Variants in CNGA3 observed in about 807,000 individuals in gnomAD.
CNGA3 encodes cyclic nucleotide gated channel subunit alpha 3.
Under a neutral mutation model 46.6 loss-of-function variants are expected in CNGA3, and 42 were observed. That is an observed-to-expected ratio of 0.90 (90% confidence interval 0.70 to 1.17). The LOEUF (loss-of-function observed/expected upper bound fraction) is 1.17, where lower values mean the gene tolerates loss of function less well. CNGA3 is among the 50% of genes most tolerant of loss of function. CNGA3 has a pLI of 0.00. For synonymous variants in CNGA3, 394 were observed against 369.4 expected (o/e 1.07, Z -0.76); for missense variants, 893 against 890.7 (o/e 1.00, Z -0.03).
rs750806023 is a variant in CNGA3 at position 98,391,971 on chromosome 2, G to A, written c.673+1G>A. The A allele has an allele frequency of 1.9e-6, 3 of 1,613,476 alleles. No homozygotes were observed. Among genetic ancestry groups the A allele is most frequent in the Non-Finnish European group, 2.5e-6 (3 of 1,179,758 alleles). On this transcript the variant is annotated splice_donor_variant, in intron 7 of 7. Transcript: ENST00000272602. LOFTEE classifies it high-confidence loss of function. ...GATGTGCTTGTACGAGCTCGGACAG[G>A]TGAGTGTGCCCCAGGCCTGGGGAGG... is the stretch of plus-strand genomic sequence containing the variant.
chr2:98,379,929 T>C, intron 3 of CNGA3: 1 of 580,126 alleles, frequency 1.7e-6, no homozygotes, highest in Non-Finnish European at 3.1e-6. Context: ...AGTGTCCCTT[T>C]CCGGGGAAGC....
chr2:98,355,030 AT>A (rs1039411941), intron 1 of CNGA3, among the ~76,000 whole-genome samples: 1 of 152,114 alleles, frequency 6.6e-6, no homozygotes, highest in African/African-American at 2.4e-5. Context: ...AGCATGTTGG[AT>A]TTTTGCCAAA....
intron 3 of CNGA3, chr2:98,378,183 T>TG: frequency 6.4e-7 from 1 of 1,550,586 alleles, no homozygotes; most frequent in South Asian, 1.2e-5. Context: ...GAAATGGCTC[T>TG]GGCAGGGTCT....
At chr2:98,377,349 A>G in intron 2 of CNGA3, 1 of 270,450 alleles carries the variant, frequency 3.7e-6, no homozygotes, top group Non-Finnish European at 7.2e-6. Flanking sequence ...GAGTCATTTT[A>G]TGGAAGCAGC....
At position 98,358,802 on chromosome 2, in the gene CNGA3, T is replaced by C. The variant is rs141585372; in HGVS notation, c.-37-11137T>C. ...AAACTTACATTTCCCTTTAGTGATG[T>C]ACATTTTGCCCTGTCCTACTCCAAC... On this transcript the variant is annotated intron_variant, in intron 1 of 7. Transcript: ENST00000272602. Among the ~76,000 whole-genome samples the C allele has an allele frequency of 2.7e-3, 413 of 152,342 alleles. 2 individuals carry two copies. Among genetic ancestry groups the C allele is most frequent in the African/African-American group, 9.2e-3 (381 of 41,568 alleles).
chr2:98,360,225 T>C (rs1035784287), intron 1 of CNGA3, among the ~76,000 whole-genome samples: 1 of 152,104 alleles, frequency 6.6e-6, no homozygotes, highest in Non-Finnish European at 1.5e-5. Context: ...GAGGATTAAG[T>C]AAGGAAGTGT....
intron 5 of CNGA3, 50 bp from the exon 6 acceptor site, chr2:98,389,608 G>T: frequency 1.3e-6 from 2 of 1,531,312 alleles, no homozygotes; most frequent in Non-Finnish European, 1.8e-6. Flanking sequence ...ACCCTCCAAA[G>T]CTACAGTCTT....
intron 2 of CNGA3, among the ~76,000 whole-genome samples, chr2:98,370,517 G>A (rs1458502872): frequency 2.0e-5 from 3 of 152,216 alleles, no homozygotes; most frequent in African/African-American, 4.8e-5. Flanking sequence ...TCGCTTCCAG[G>A]GGAAGATCTG....
rs571392861 is a variant in CNGA3 at position 98,362,095 on chromosome 2, C to T, written c.-37-7844C>T. ...TTTGCATTTCCCTAATGATCAGTGA[C>T]GTTAAGCTTTTTTTCATATGTTTAT... On this transcript the variant is annotated intron_variant, in intron 1 of 7. Transcript: ENST00000272602. 2.6e-5 allele frequency among the ~76,000 whole-genome samples: 4 copies of T among 151,130 alleles called. No homozygotes were observed. In the South Asian group the frequency reaches 8.3e-4, roughly 32 times the overall value.
intron 1 of CNGA3, among the ~76,000 whole-genome samples, chr2:98,361,126 C>A (rs998390035): frequency 2.6e-5 from 4 of 151,970 alleles, no homozygotes; most frequent in African/African-American, 9.7e-5. Context: ...ATCAACCCAT[C>A]TCTAGGTATT....
Position 98,397,187 on chromosome 2 carries a change from G to A in CNGA3, c.2017G>A (p.Gly673Arg), listed in dbSNP as rs574803463. 98 of 1,614,126 alleles carry A rather than the reference G, an allele frequency of 6.1e-5. No homozygotes were observed. In the South Asian group the frequency reaches 9.2e-4, roughly 15 times the overall value. The change falls in exon 8 of 8, where the codon GGG becomes AGG. Residue 673 changes from glycine (G) to arginine (R), a missense_variant. Around this residue, in one of 3 missense-constraint regions of CNGA3, gnomAD observed 548 missense variants for 570.8 expected, o/e 0.96. Coordinates refer to ENST00000272602, the MANE Select transcript of CNGA3 (RefSeq NM_001298.3). ...SQLESQVKGG[G>R]DKPLADGEVP... Reference sequence around the variant, plus strand: ...ACTGGAAAGCCAGGTGAAGGGTGGTGGGGACAAGCCCCTGGCTGATGGGGA... The same window carrying A: ...ACTGGAAAGCCAGGTGAAGGGTGGTAGGGACAAGCCCCTGGCTGATGGGGA...
At chr2:98,393,721 T>C (rs1020194849) in intron 7 of CNGA3, among the ~76,000 whole-genome samples, 3 of 152,112 alleles carry the variant, frequency 2.0e-5, no homozygotes, top group Non-Finnish European at 4.4e-5. Flanking sequence ...CTGCACCTTC[T>C]TGTGCTTGGG....
At chr2:98,357,102 G>A (rs531240255) in intron 1 of CNGA3, among the ~76,000 whole-genome samples, 5 of 152,290 alleles carry the variant, frequency 3.3e-5, no homozygotes, top group Admixed American at 1.3e-4. Context: ...TGTATGTGCC[G>A]GGTGTTTGAA....
In CNGA3 at chr2:98,367,887, G is replaced by A. The variant is rs988055949; in HGVS notation, c.-37-2052G>A. On this transcript the variant is annotated intron_variant, in intron 1 of 7. Transcript: ENST00000272602. The stretch of plus-strand genomic sequence containing the variant: ...GAATACATCCTCCCTGGTCTAGCCA[G>A]AGTGGCCTGTACACACCTGACCACA... 4.6e-5 allele frequency among the ~76,000 whole-genome samples: 7 copies of A among 152,194 alleles called. No individual in the cohort carries two copies. The East Asian group carries it at 1.2e-3, about 25-fold the overall frequency.
At chr2:98,366,100 A>C (rs1043736620) in intron 1 of CNGA3, among the ~76,000 whole-genome samples, 2 of 152,120 alleles carry the variant, frequency 1.3e-5, no homozygotes, top group Admixed American at 1.3e-4. Flanking sequence ...TTTTTAGTTG[A>C]TGCTGTTGCT....
At chr2:98,363,864 G>C (rs187088730) in intron 1 of CNGA3, among the ~76,000 whole-genome samples, 1 of 152,050 alleles carries the variant, frequency 6.6e-6, no homozygotes, top group African/African-American at 2.4e-5. Context: ...TTTCTGTCTC[G>C]ATGATCTGTC....
At chr2:98,369,793 T>C (rs1558808243) in intron 1 of CNGA3, 146 bp from the exon 2 acceptor site, 5 of 624,258 alleles carry the variant, frequency 8.0e-6, no homozygotes, top group African/African-American at 5.5e-5. Context: ...TAAAACTCAC[T>C]GCAGCAGGAA....
intron 5 of CNGA3, among the ~76,000 whole-genome samples, chr2:98,388,618 G>A (rs1187201136): frequency 6.6e-6 from 1 of 152,238 alleles, no homozygotes; most frequent in East Asian, 1.9e-4. Flanking sequence ...CTTGTCTGCA[G>A]CCTCCGGTGG....
Position 98,383,432 on chromosome 2 carries a change from C to T in CNGA3, c.440C>T (p.Thr147Met). Residue 147 changes from threonine to methionine, a missense_variant, in exon 5 of 8, where the codon ACG becomes ATG. By Grantham distance (81) the Thr-to-Met change is moderately conservative. Transcript: ENST00000272602. ...AKCNTNTSNN[T>M]EEEKKTKKKD... Reference sequence around the variant, plus strand: ...TGCAACACTAACACCAGCAACAACACGGAGGAGGAGTAAGTACCCACACAC... The same window carrying T: ...TGCAACACTAACACCAGCAACAACATGGAGGAGGAGTAAGTACCCACACAC... The T allele has an allele frequency of 6.2e-7, 1 of 1,614,202 alleles. No homozygotes were observed. The highest frequency in any genetic ancestry group is 1.7e-5 in the Admixed American group (1 of 60,024).
Sources: gnomAD v4.1 joint callset for allele counts (sites outside exome capture counted in the v4.1 genomes callset) on GRCh38, gnomAD v4.1.1 for gene constraint, gnomAD v4.1.1 regional missense constraint, MANE v1.5 for transcripts, NCBI Gene and HGNC (gene_info 2026-07-23, HGNC 2026-07-21) for gene names.